The following ABAT variants were observed in gnomAD, a reference collection of about 807,000 sequenced individuals.
The protein encoded by ABAT is 4-aminobutyrate aminotransferase.
A neutral mutation model predicts 64.6 loss-of-function variants in ABAT; 45 were observed. The ratio of observed to expected loss-of-function variants is 0.70; its 90% CI spans 0.55 to 0.89. ABAT has a LOEUF of 0.89. Ranked by LOEUF, ABAT falls within the 40% of genes least tolerant of loss-of-function variation. The pLI, the probability that ABAT is intolerant of heterozygous loss-of-function variation, is 0.00. For missense variants in ABAT, 633 were observed against 658.4 expected (o/e 0.96, Z 0.42); for synonymous variants, 297 against 250.5 (o/e 1.19, Z -1.75).
At chr16:8,725,387 C>T (rs548118583) in intron 1 of ABAT, among the ~76,000 whole-genome samples, 1 of 152,308 alleles carries the variant, frequency 6.6e-6, no homozygotes, top group South Asian at 2.1e-4. Context: ...TCCTCCCAGG[C>T]CCCTGCCAAC....
rs1464129339 is a variant in ABAT, at chr16:8,782,185, A to T, written c.*755A>T. ...CCCCAAACTCCCTCCTCCCTGTTAA[A>T]TGTCAACCTAGACCTGGACCTGGGT... On this transcript the variant is annotated 3_prime_UTR_variant, in exon 16 of 16. Transcript: ENST00000268251. 3 of 153,136 alleles carry T rather than the reference A, an allele frequency of 2.0e-5. No homozygotes were observed. Among genetic ancestry groups the T allele is most frequent in the Non-Finnish European group, 4.4e-5 (3 of 68,806 alleles). 9.5% of individuals were successfully genotyped at this position (153,136 alleles called of 1,614,324 possible). A position where few individuals can be genotyped will look rare whatever the true frequency, so the allele number is the denominator to read the frequency against.
intron 1 of ABAT, among the ~76,000 whole-genome samples, chr16:8,730,673 C>G (rs1439749464): frequency 6.6e-6 from 1 of 152,122 alleles, no homozygotes; most frequent in Non-Finnish European, 1.5e-5. Context: ...AATTTCTGTC[C>G]ACTGTGGGGC....
chr16:8,766,964 C>G (rs1233342675), intron 9 of ABAT, among the ~76,000 whole-genome samples: 1 of 152,156 alleles, frequency 6.6e-6, no homozygotes, highest in African/African-American at 2.4e-5. Context: ...AGCAAGACTC[C>G]ATCTCAAAAA....
intron 4 of ABAT, 92 bp from the exon 5 acceptor site, chr16:8,750,330 T>G: frequency 9.3e-7 from 1 of 1,077,074 alleles, no homozygotes; most frequent in Non-Finnish European, 1.4e-6. Context: ...ATAGTCACGA[T>G]ATGGTGTACT....
chr16:8,772,913 G>A lies in ABAT; in HGVS notation c.950G>A (p.Arg317Lys), dbSNP rs768443644. ...DFFRKLRDIA[R>K]KHGCAFLVDE... Reference sequence around the variant, plus strand: ...TTTCGGAAGCTGAGAGACATCGCCAGGAAGGTCAGTGGACAGGGCCGAGGT... The same window carrying A: ...TTTCGGAAGCTGAGAGACATCGCCAAGAAGGTCAGTGGACAGGGCCGAGGT... The change falls in exon 12 of 16, where the codon AGG becomes AAG. Residue 317 changes from arginine to lysine, a missense_variant. Transcript: ENST00000268251. 8.1e-6 allele frequency: 13 copies of A among 1,613,584 alleles called. No individual in the cohort carries two copies. The African/African-American group carries it at 1.6e-4, about 20-fold the overall frequency.
chr16:8,705,738 T>C (rs2057926017), intron 1 of ABAT, among the ~76,000 whole-genome samples: 1 of 152,144 alleles, frequency 6.6e-6, no homozygotes, highest in Non-Finnish European at 1.5e-5. Context: ...TTTTTTGTTC[T>C]GAATCTCATT....
chr16:8,757,850 G>A, intron 6 of ABAT, 44 bp downstream of exon 6: 1 of 1,589,918 alleles, frequency 6.3e-7, no homozygotes, highest in Non-Finnish European at 8.6e-7. Flanking sequence ...ATATGTTCAT[G>A]GCCATTCACA....
chr16:8,754,527 G>A (rs533611637), intron 5 of ABAT, among the ~76,000 whole-genome samples: 2 of 152,192 alleles, frequency 1.3e-5, no homozygotes, highest in Admixed American at 6.6e-5. Context: ...TGAACCTTGT[G>A]GTGGAAATTC....
rs752682041 is a variant in ABAT at position 8,776,901 on chromosome 16, TTGTC to T, written c.1269+413_1269+416del. On this transcript the variant is annotated intron_variant, in intron 14 of 15. Coordinates refer to ENST00000268251, the MANE Select transcript of ABAT (RefSeq NM_020686.6). The surrounding 1 kb of genome is among the most constrained non-coding windows in gnomAD (Gnocchi z 4.4). The stretch of plus-strand genomic sequence containing the variant: ...TCTTATTTATTTTATTTTATTTTAT[TTGTC>T]TATTTATTTTTTGAGACCAAGTCTT... Among the ~76,000 whole-genome samples, 93 of 151,410 alleles carry T rather than the reference TTGTC, an allele frequency of 6.1e-4. No homozygotes were observed. The highest frequency in any genetic ancestry group is 1.1e-3 in the Non-Finnish European group (76 of 67,890).
At position 8,768,098 on chromosome 16, in the gene ABAT, G is replaced by C. The variant is rs563750981; in HGVS notation, c.604-95G>C. 3.7e-5 allele frequency: 50 copies of C among 1,340,280 alleles called. No individual in the cohort carries two copies. In the East Asian group the frequency reaches 1.1e-3, roughly 30 times the overall value. 83.0% of individuals were successfully genotyped at this position (1,340,280 alleles called of 1,614,324 possible). ...CCTGAGAAGGATTCCTGGTTCTTCT[G>C]ATAGATTTCTGTGTCCCTCTGGACT... On this transcript the variant is annotated intron_variant, in intron 9 of 15. Coordinates refer to ENST00000268251, the MANE Select transcript of ABAT (RefSeq NM_020686.6).
At chr16:8,723,577 A>C (rs1185851426) in intron 1 of ABAT, among the ~76,000 whole-genome samples, 1 of 152,106 alleles carries the variant, frequency 6.6e-6, no homozygotes, top group Non-Finnish European at 1.5e-5. Flanking sequence ...CTTCAGCAGC[A>C]AGTATAAGAC....
intron 5 of ABAT, among the ~76,000 whole-genome samples, chr16:8,752,271 T>A (rs9673401): frequency 0.026 from 3,944 of 152,284 alleles, 160 homozygotes; most frequent in African/African-American, 0.089. Context: ...GACAAGAATT[T>A]AAAAACCCCA....
intron 5 of ABAT, among the ~76,000 whole-genome samples, chr16:8,754,518 G>A (rs1313711466): frequency 2.0e-5 from 3 of 152,128 alleles, no homozygotes; most frequent in African/African-American, 7.2e-5. Flanking sequence ...GAGTTAGTGT[G>A]AACCTTGTGG....
At chr16:8,714,400 G>A (rs936528751) in intron 1 of ABAT, among the ~76,000 whole-genome samples, 1 of 152,248 alleles carries the variant, frequency 6.6e-6, no homozygotes, top group Non-Finnish European at 1.5e-5. Context: ...GATAGAGTTT[G>A]CAGTGAGAAT....
At position 8,781,525 on chromosome 16, in the gene ABAT, A is replaced by C. The variant is rs2060439645; in HGVS notation, c.*95A>C. On this transcript the variant is annotated 3_prime_UTR_variant, in exon 16 of 16. Transcript: ENST00000268251. This position sits in a 1 kb window ranked among gnomAD's most constrained non-coding sequence, Gnocchi z 4.5. ...TCATGTTTTCACTTAAAAGTATCAG[A>C]GGTGAATGCACAGTGAAGGGTGATT... 1 of 1,340,976 alleles carries C rather than the reference A, an allele frequency of 7.5e-7. No homozygotes were observed. The highest frequency in any genetic ancestry group is 1.0e-6 in the Non-Finnish European group (1 of 1,000,332). The allele number at this position is 1,340,976 out of a possible 1,614,324, so 83.1% of individuals were successfully genotyped here.
intron 5 of ABAT, 84 bp from the exon 6 acceptor site, chr16:8,757,673 G>A: frequency 7.2e-7 from 1 of 1,394,816 alleles, no homozygotes; most frequent in South Asian, 1.2e-5. Flanking sequence ...GGTTGGAAAG[G>A]AAGGGAGAGG....
intron 2 of ABAT, among the ~76,000 whole-genome samples, chr16:8,737,627 C>G (rs1331740134): frequency 6.6e-6 from 1 of 151,580 alleles, no homozygotes; most frequent in East Asian, 2.0e-4. Context: ...GTTGTCAACA[C>G]TAAGAAACTA....
At chr16:8,739,772 AAT>A (rs2059111199) in intron 2 of ABAT, among the ~76,000 whole-genome samples, 1 of 151,936 alleles carries the variant, frequency 6.6e-6, no homozygotes, top group African/African-American at 2.4e-5. Flanking sequence ...AAACAGAAAA[AAT>A]AGAAATGGCT....
At chr16:8,769,440 T>G (rs1287243160) in intron 11 of ABAT, among the ~76,000 whole-genome samples, 1 of 150,764 alleles carries the variant, frequency 6.6e-6, no homozygotes, top group Non-Finnish European at 1.5e-5. Context: ...ATGCCTGTAA[T>G]CCCAGCTACT....
Sources: allele counts gnomAD v4.1 joint callset (sites outside exome capture counted in the v4.1 genomes callset), GRCh38; gene constraint gnomAD v4.1.1; non-coding constraint Gnocchi (gnomAD v3.1); transcripts MANE v1.5; gene names NCBI Gene and HGNC (gene_info 2026-07-23, HGNC 2026-07-21).